Variants in CSMD3 observed in about 807,000 individuals in gnomAD.
CSMD3 encodes CUB and sushi domain-containing protein 3.
A neutral mutation model predicts 435.2 loss-of-function variants in CSMD3; 177 were observed. That is an observed-to-expected ratio of 0.41 (90% CI 0.36 to 0.46). The LOEUF is 0.46. CSMD3 is among the 20% of genes least tolerant of loss of function. The probability of loss-of-function intolerance (pLI) is 0.34; values close to 1 mark genes in which losing one functional copy is unlikely to be tolerated. For synonymous variants in CSMD3, 1,656 were observed against 1,520.5 expected, an observed-to-expected ratio of 1.09 and a Z score of -2.07; for missense variants, 4,265 against 4,504.6, an observed-to-expected ratio of 0.95 and a Z score of 1.52.
intron 50 of CSMD3, among the ~76,000 whole-genome samples, chr8:112,308,540 A>G (rs920733132): frequency 6.6e-6 from 1 of 152,122 alleles, no homozygotes; most frequent in Non-Finnish European, 1.5e-5. Context: ...AATCCAGTTC[A>G]GAAGAAAAGT....
At chr8:112,494,508 T>TC (rs774152985) in intron 30 of CSMD3, among the ~76,000 whole-genome samples, 1 of 80,828 alleles carries the variant, frequency 1.2e-5, no homozygotes, top group Admixed American at 1.2e-4. Flanking sequence ...TCTTTCTTTC[T>TC]TTCTTTCTTT....
chr8:112,653,939 T>A (rs1328292616), intron 18 of CSMD3, among the ~76,000 whole-genome samples: 3 of 152,172 alleles, frequency 2.0e-5, no homozygotes, highest in Non-Finnish European at 4.4e-5. Flanking sequence ...ATTACAGGCG[T>A]GAGCCACCGC....
chr8:112,467,570 C>T (rs566887516), intron 32 of CSMD3, among the ~76,000 whole-genome samples: 1 of 151,970 alleles, frequency 6.6e-6, no homozygotes, highest in South Asian at 2.1e-4. Flanking sequence ...ATAGTGTTCC[C>T]CAAAATTTAT....
chr8:112,770,855 T>A (rs1016352552), intron 13 of CSMD3, among the ~76,000 whole-genome samples: 3 of 152,044 alleles, frequency 2.0e-5, no homozygotes, highest in Non-Finnish European at 2.9e-5. Context: ...GCTATTTGAC[T>A]CTGATCTATT....
chr8:112,753,838 T>C (rs564436425), intron 13 of CSMD3, among the ~76,000 whole-genome samples: 1 of 152,310 alleles, frequency 6.6e-6, no homozygotes, highest in East Asian at 1.9e-4. Flanking sequence ...TAACTTCCTA[T>C]CCCAACTTTG....
At chr8:112,945,425 T>C (rs1446255357) in intron 9 of CSMD3, among the ~76,000 whole-genome samples, 1 of 151,730 alleles carries the variant, frequency 6.6e-6, no homozygotes. Flanking sequence ...CTTCCCATCA[T>C]AGGCAGGTGA....
chr8:113,299,991 C>CA (rs200583396), intron 2 of CSMD3, among the ~76,000 whole-genome samples: 19,916 of 142,420 alleles, frequency 0.14, 2,346 homozygotes, highest in African/African-American at 0.33. Flanking sequence ...GCCTCCATCT[C>CA]AAAAAAAAAA....
At position 113,066,355 on chromosome 8, in the gene CSMD3, G is replaced by A. The variant is rs148073178; in HGVS notation, c.917+32401C>T. ...TGTAGTTTGTTATGGAGTATGAAGA[G>A]GAGAGGGTGAGGTATGGAAGTAGAG... On this transcript the variant is annotated intron_variant, in intron 5 of 70. Transcript: ENST00000297405. Among the ~76,000 whole-genome samples the A allele has an allele frequency of 1.5e-3, 221 of 151,948 alleles. 6 individuals are homozygous for A. The East Asian group carries it at 0.038, about 26-fold the overall frequency.
At chr8:113,233,727 C>G (rs964214017) in intron 3 of CSMD3, among the ~76,000 whole-genome samples, 3 of 151,672 alleles carry the variant, frequency 2.0e-5, no homozygotes, top group African/African-American at 7.3e-5. Flanking sequence ...TAAAAAAATG[C>G]AACTTGAAAA....
At chr8:113,285,579 C>T (rs1425175375) in intron 2 of CSMD3, among the ~76,000 whole-genome samples, 7 of 151,966 alleles carry the variant, frequency 4.6e-5, no homozygotes, top group African/African-American at 7.2e-5. Context: ...ACCTTTATAG[C>T]GAAAACTGCA....
intron 13 of CSMD3, among the ~76,000 whole-genome samples, chr8:112,771,021 T>G (rs2078100174): frequency 6.6e-6 from 1 of 151,928 alleles, no homozygotes; most frequent in Admixed American, 6.6e-5. Context: ...CCACACTCCC[T>G]CTAAAAATCT....
rs141583676 is a variant in CSMD3 at position 113,013,297 on chromosome 8, T to C, written c.1030+5770A>G. Among the ~76,000 whole-genome samples the C allele has an allele frequency of 3.8e-3, 572 of 152,216 alleles. 3 individuals are homozygous for C. The highest frequency in any genetic ancestry group is 0.024 in the Middle Eastern group (7 of 294). ...AAGCCTAGTGTTTTATCTTTTTAAC[T>C]GTAGCTCCTGGATTCAAATTTTATG... On this transcript the variant is annotated intron_variant, in intron 6 of 70. Transcript: ENST00000297405.
chr8:112,405,721 G>C (rs941613267), intron 35 of CSMD3, among the ~76,000 whole-genome samples: 3 of 151,884 alleles, frequency 2.0e-5, no homozygotes, highest in African/African-American at 7.2e-5. Context: ...ATACATATCT[G>C]TAACTAATAG....
intron 8 of CSMD3, among the ~76,000 whole-genome samples, chr8:112,950,773 T>C (rs187761476): frequency 8.2e-4 from 125 of 152,046 alleles, no homozygotes; most frequent in South Asian, 2.1e-3. Flanking sequence ...ATTTGAGAAA[T>C]TCTACTATTA....
intron 12 of CSMD3, among the ~76,000 whole-genome samples, chr8:112,819,359 G>C (rs2079466867): frequency 6.6e-6 from 1 of 152,144 alleles, no homozygotes; most frequent in Non-Finnish European, 1.5e-5. Context: ...GTCTGGCAGA[G>C]GGACTTTCCA....
chr8:113,218,363 T>A (rs1435496469), intron 3 of CSMD3, among the ~76,000 whole-genome samples: 1 of 150,674 alleles, frequency 6.6e-6, no homozygotes, highest in African/African-American at 2.4e-5. Context: ...ATTGTTGTAG[T>A]ACATTTTACA....
At chr8:113,169,738 T>C in intron 4 of CSMD3, among the ~76,000 whole-genome samples, 1 of 152,288 alleles carries the variant, frequency 6.6e-6, no homozygotes, top group Middle Eastern at 3.4e-3. Flanking sequence ...ATTTTGGAAT[T>C]GTTAACATAG....
chr8:113,344,653 G>A (rs1258900182), intron 1 of CSMD3, among the ~76,000 whole-genome samples: 2 of 151,946 alleles, frequency 1.3e-5, no homozygotes, highest in Non-Finnish European at 2.9e-5. Context: ...AAGTATAGTC[G>A]ATATTGTGCA....
chr8:112,253,554 A>G (rs1815476010), intron 63 of CSMD3, among the ~76,000 whole-genome samples: 1 of 151,988 alleles, frequency 6.6e-6, no homozygotes, highest in East Asian at 1.9e-4. Flanking sequence ...ACACAGGGCA[A>G]TTGGGTAATG....
Sources: allele counts gnomAD v4.1 joint callset (sites outside exome capture counted in the v4.1 genomes callset), GRCh38; gene constraint gnomAD v4.1.1; transcripts MANE v1.5; gene names NCBI Gene and HGNC (gene_info 2026-07-23, HGNC 2026-07-21).